Variants in KIAA2012 observed in about 807,000 individuals in gnomAD.
The protein encoded by KIAA2012 is KIAA2012.
A neutral mutation model predicts 150.6 loss-of-function variants in KIAA2012; 125 were observed. The ratio of observed to expected loss-of-function variants is 0.83; its 90% CI spans 0.72 to 0.96. The LOEUF is 0.96. KIAA2012 is among the 40% of genes least tolerant of loss of function. KIAA2012 has a pLI of 0.00. For synonymous variants in KIAA2012, 462 were observed against 504.7 expected (o/e 0.92, Z 1.13); for missense variants, 1,219 against 1,354.9 (o/e 0.90, Z 1.57).
At chr2:202,107,063 C>T (rs920873118) in intron 9 of KIAA2012, among the ~76,000 whole-genome samples, 2 of 152,128 alleles carry the variant, frequency 1.3e-5, no homozygotes, top group African/African-American at 2.4e-5. Flanking sequence ...TTTTACAGAT[C>T]AGAGAACGGA....
chr2:202,114,255 C>T (rs995096949), intron 11 of KIAA2012: 1 of 156,238 alleles, frequency 6.4e-6, no homozygotes, highest in African/African-American at 2.4e-5. Context: ...TGATTCCTCC[C>T]CTGAGAAATT....
chr2:202,108,766 G>GC (rs1690268108), intron 9 of KIAA2012, among the ~76,000 whole-genome samples: 1 of 152,180 alleles, frequency 6.6e-6, no homozygotes, highest in Non-Finnish European at 1.5e-5. Context: ...GGTGATATCT[G>GC]CCCCATTTTT....
intron 12 of KIAA2012, among the ~76,000 whole-genome samples, chr2:202,134,266 A>G (rs562038900): frequency 4.5e-4 from 69 of 152,360 alleles, no homozygotes; most frequent in African/African-American, 1.6e-3. Context: ...CAGAAATGAT[A>G]TACATAGACA....
chr2:202,201,767 A>G, intron 22 of KIAA2012: 1 of 1,328,758 alleles, frequency 7.5e-7, no homozygotes, highest in South Asian at 1.2e-5. Context: ...CTGAGTAGGC[A>G]GTCGGAGCAT....
chr2:202,080,321 T>C (rs908711227), intron 2 of KIAA2012, among the ~76,000 whole-genome samples: 7 of 152,222 alleles, frequency 4.6e-5, no homozygotes, highest in African/African-American at 1.2e-4. Context: ...GCTATATATA[T>C]GATCCAATAC....
intron 2 of KIAA2012, among the ~76,000 whole-genome samples, chr2:202,078,017 A>G (rs2105907653): frequency 6.6e-6 from 1 of 152,314 alleles, no homozygotes; most frequent in South Asian, 2.1e-4. Flanking sequence ...CTGGAGGGCA[A>G]TTTGGCAAAA....
chr2:202,101,618 C>T (rs2350721), intron 7 of KIAA2012, among the ~76,000 whole-genome samples: 20,091 of 152,222 alleles, frequency 0.13, 4,359 homozygotes, highest in African/African-American at 0.46. Flanking sequence ...AGTCTTGGCT[C>T]GTCAGCCATA....
At chr2:202,142,692 C>T (rs1238520268) in intron 13 of KIAA2012, among the ~76,000 whole-genome samples, 1 of 152,070 alleles carries the variant, frequency 6.6e-6, no homozygotes, top group Non-Finnish European at 1.5e-5. Flanking sequence ...TCAGCCTACA[C>T]CCAGGAATGA....
intron 15 of KIAA2012, among the ~76,000 whole-genome samples, chr2:202,171,965 A>G (rs1410657604): frequency 6.7e-6 from 1 of 150,338 alleles, no homozygotes; most frequent in Admixed American, 6.6e-5. Flanking sequence ...AGCCGCCTCA[A>G]CCTCTCGAGT....
At chr2:202,188,125 T>A (rs1449049713) in intron 17 of KIAA2012, 27 bp from the exon 18 acceptor site, 1 of 1,516,980 alleles carries the variant, frequency 6.6e-7, no homozygotes, top group Non-Finnish European at 8.9e-7. Context: ...CATATTATGG[T>A]CCCCTTCCTT....
At chr2:202,190,543 G>A (rs1195299677) in intron 19 of KIAA2012, 50 bp downstream of exon 19, 1 of 1,369,140 alleles carries the variant, frequency 7.3e-7, no homozygotes, top group South Asian at 1.5e-5. Flanking sequence ...TTCTCACTTG[G>A]CGCGACTGCA....
At chr2:202,114,779 G>A (rs1690472047) in intron 11 of KIAA2012, 1 of 161,082 alleles carries the variant, frequency 6.2e-6, no homozygotes, top group Middle Eastern at 3.1e-3. Flanking sequence ...GAAAGAGAAA[G>A]ATGAAACTTA....
intron 15 of KIAA2012, among the ~76,000 whole-genome samples, chr2:202,171,148 T>TAC (rs1309804214): frequency 4.2e-5 from 6 of 141,206 alleles, no homozygotes; most frequent in African/African-American, 1.8e-4. Context: ...CACAGACATA[T>TAC]ACACACACAC....
intron 19 of KIAA2012, among the ~76,000 whole-genome samples, chr2:202,192,044 G>A (rs1416496411): frequency 2.6e-5 from 4 of 152,136 alleles, no homozygotes; most frequent in Non-Finnish European, 5.9e-5. Flanking sequence ...AGGATTCCAG[G>A]AAGATTTTCC....
At chr2:202,079,876 A>T (rs991371797) in intron 2 of KIAA2012, among the ~76,000 whole-genome samples, 1 of 152,220 alleles carries the variant, frequency 6.6e-6, no homozygotes, top group African/African-American at 2.4e-5. Flanking sequence ...AATACAAACA[A>T]TGTGACATTG....
rs192652139 is a variant in KIAA2012, at chr2:202,099,678, G to A, written c.894G>A (p.Gln298=). The A allele has an allele frequency of 1.4e-4, 217 of 1,550,456 alleles. No homozygotes were observed. The highest frequency in any genetic ancestry group is 3.8e-5 in the Non-Finnish European group (44 of 1,146,898). ...AGGAGAGCTACAATGAAAAGACACAGCAAACCTCCAGGAAGGCCTTTGGGC... is the reference window on the plus strand; with the variant it reads ...AGGAGAGCTACAATGAAAAGACACAACAAACCTCCAGGAAGGCCTTTGGGC... ...ASKESYNEKT[Q]QTSRKAFGHG... Residue 298 remains glutamine, a synonymous_variant, in exon 6 of 24, where the codon CAG becomes CAA. Coordinates refer to ENST00000498697, the MANE Select transcript of KIAA2012 (RefSeq NM_001277372.4).
Position 202,097,562 on chromosome 2 carries a change from T to C in KIAA2012, c.813T>C (p.Asp271=), listed in dbSNP as rs1180639156. The C allele has an allele frequency of 1.9e-6, 3 of 1,546,570 alleles. No individual in the cohort carries two copies. The highest frequency in any genetic ancestry group is 1.2e-5 in the South Asian group (1 of 83,838). The change falls in exon 5 of 24, where the codon GAT becomes GAC. Residue 271 remains aspartate (D), a synonymous_variant. Coordinates refer to ENST00000498697, the MANE Select transcript of KIAA2012 (RefSeq NM_001277372.4). ...PPRRKQPWQE[D]ETQAEDTSIE... The stretch of plus-strand genomic sequence containing the variant: ...GCAGGAAGCAGCCCTGGCAGGAAGA[T>C]GAAACGCAGGCAGAGGTACCATTTC...
rs755286113 is a variant in KIAA2012 at position 202,194,330 on chromosome 2, G to GA, written c.3161dup (p.Gln1055AlafsTer34). On this transcript the variant is annotated frameshift_variant, in exon 21 of 24. Coordinates refer to ENST00000498697, the MANE Select transcript of KIAA2012 (RefSeq NM_001277372.4). LOFTEE classifies it high-confidence loss of function. ...CGGAGGAAACTGCGAGAACTACAGAGAAAAAAGCAGCAGGAGGAAGCCGAG... is the reference window on the plus strand; with the variant it reads ...CGGAGGAAACTGCGAGAACTACAGAGAAAAAAAGCAGCAGGAGGAAGCCGAG... 7.2e-5 allele frequency: 111 copies of GA among 1,550,224 alleles called. No individual in the cohort carries two copies. Among genetic ancestry groups the GA allele is most frequent in the Non-Finnish European group, 9.4e-5 (108 of 1,146,978 alleles).
intron 2 of KIAA2012, among the ~76,000 whole-genome samples, chr2:202,084,085 G>A (rs1180950145): frequency 2.6e-5 from 4 of 152,134 alleles, no homozygotes; most frequent in African/African-American, 9.7e-5. Context: ...AAATATACCT[G>A]GGGAAGTGGG....
Sources: allele counts gnomAD v4.1 joint callset (sites outside exome capture counted in the v4.1 genomes callset), GRCh38; gene constraint gnomAD v4.1.1; transcripts MANE v1.5; gene names NCBI Gene and HGNC (gene_info 2026-07-23, HGNC 2026-07-21).